Variants in LRRFIP2 observed in about 807,000 individuals in gnomAD.
The protein encoded by LRRFIP2 is leucine-rich repeat flightless-interacting protein 2.
Under a neutral mutation model 125.9 loss-of-function variants are expected in LRRFIP2, and 109 were observed. The observed-to-expected ratio is 0.87, with a 90% CI of 0.74 to 1.01. The LOEUF is 1.01. Among genes scored for constraint, LRRFIP2 ranks in the 50% least tolerant of loss-of-function variants. LRRFIP2 has a pLI of 0.00. For missense variants in LRRFIP2, 850 were observed against 862.3 expected (o/e 0.99, Z 0.18); for synonymous variants, 291 against 293.1 (o/e 0.99, Z 0.07).
chr3:37,137,746 A>C (rs2095594368), intron 2 of LRRFIP2, among the ~76,000 whole-genome samples: 1 of 152,166 alleles, frequency 6.6e-6, no homozygotes, highest in South Asian at 2.1e-4. Flanking sequence ...TACCAAAATA[A>C]ACACTTACAT....
chr3:37,111,478 G>A (rs925096177), intron 8 of LRRFIP2, among the ~76,000 whole-genome samples: 1 of 152,128 alleles, frequency 6.6e-6, no homozygotes, highest in Non-Finnish European at 1.5e-5. Context: ...AAAATAAACT[G>A]ACAAATTAAG....
chr3:37,111,140 G>A, intron 8 of LRRFIP2, 75 bp from the exon 9 acceptor site: 1 of 1,274,980 alleles, frequency 7.8e-7, no homozygotes. Context: ...AGGCAAAACT[G>A]AACACAAAAA....
chr3:37,164,750 G>A (rs1357007250), intron 1 of LRRFIP2, among the ~76,000 whole-genome samples: 1 of 151,444 alleles, frequency 6.6e-6, no homozygotes, highest in African/African-American at 2.4e-5. Context: ...CCTAAAACAT[G>A]CTATTTTGTA....
chr3:37,156,218 A>T lies in LRRFIP2; in HGVS notation c.-55-7180T>A, dbSNP rs376186549. On this transcript the variant is annotated intron_variant, in intron 1 of 27. Coordinates refer to ENST00000336686, the MANE Select transcript of LRRFIP2 (RefSeq NM_006309.4). ...TCATCAGCCAAGCATGGTGGCTCACACCTGTAATCCCAGCACTCTGCGAGG... is the reference window on the plus strand; with the variant it reads ...TCATCAGCCAAGCATGGTGGCTCACTCCTGTAATCCCAGCACTCTGCGAGG... Among the ~76,000 whole-genome samples the T allele has an allele frequency of 1.0e-3, 159 of 152,128 alleles. 1 individual carries two copies. Among genetic ancestry groups the T allele is most frequent in the East Asian group, 7.9e-3 (41 of 5,170 alleles).
intron 17 of LRRFIP2, among the ~76,000 whole-genome samples, chr3:37,092,221 C>G (rs776189965): frequency 6.6e-6 from 1 of 152,176 alleles, no homozygotes; most frequent in Non-Finnish European, 1.5e-5. Context: ...ATGGAAAATA[C>G]TGTTTCCCTG....
chr3:37,124,886 C>G (rs140421110), intron 4 of LRRFIP2, among the ~76,000 whole-genome samples: 1 of 152,146 alleles, frequency 6.6e-6, no homozygotes, highest in Non-Finnish European at 1.5e-5. Context: ...AGAAATTATA[C>G]CAGTGGACAA....
chr3:37,082,243 A>T (rs2092703987), intron 19 of LRRFIP2, among the ~76,000 whole-genome samples: 1 of 152,160 alleles, frequency 6.6e-6, no homozygotes, highest in South Asian at 2.1e-4. Context: ...TGGGATATAT[A>T]AGAAGAATCA....
At chr3:37,107,038 G>A (rs549763421) in intron 13 of LRRFIP2, among the ~76,000 whole-genome samples, 1 of 151,918 alleles carries the variant, frequency 6.6e-6, no homozygotes, top group East Asian at 1.9e-4. Context: ...CCGAGTAGCT[G>A]GGATTACAGG....
chr3:37,155,787 G>C (rs1031267903), intron 1 of LRRFIP2, among the ~76,000 whole-genome samples: 15 of 152,184 alleles, frequency 9.9e-5, no homozygotes, highest in African/African-American at 3.6e-4. Context: ...ACTTTAAACT[G>C]CAACAACAAA....
At chr3:37,095,042 G>A in intron 16 of LRRFIP2, 134 bp from the exon 17 acceptor site, 1 of 646,430 alleles carries the variant, frequency 1.5e-6, no homozygotes, top group South Asian at 1.8e-5. Context: ...GTAATCAATG[G>A]TCAATTTAGA....
chr3:37,150,682 G>C (rs987098288), intron 1 of LRRFIP2, among the ~76,000 whole-genome samples: 1 of 152,082 alleles, frequency 6.6e-6, no homozygotes, highest in African/African-American at 2.4e-5. Flanking sequence ...TTGCTAAGAA[G>C]TATAGCTCAT....
intron 1 of LRRFIP2, among the ~76,000 whole-genome samples, chr3:37,172,469 G>C (rs2096598762): frequency 1.3e-5 from 2 of 152,160 alleles, no homozygotes; most frequent in Admixed American, 6.5e-5. Context: ...TGCTTGGATT[G>C]GGGGGTTGGG....
Position 37,072,817 on chromosome 3 carries a change from T to C in LRRFIP2, c.1437A>G (p.Thr479=). The part of the protein sequence containing the change: ...MTKEVFDLQE[T]LLWKDKKIGA... ...CAATTTTTTTATCTTTCCAAAGAAG[T>C]GTCTCCTGGAGGTCAAACACCTCTT... Residue 479 remains threonine (T), a synonymous_variant, in exon 21 of 28, where the codon ACA becomes ACG. Coordinates refer to ENST00000336686, the MANE Select transcript of LRRFIP2 (RefSeq NM_006309.4). The C allele has an allele frequency of 6.2e-7, 1 of 1,613,122 alleles. No homozygotes were observed. Among genetic ancestry groups the C allele is most frequent in the East Asian group, 2.2e-5 (1 of 44,836 alleles).
intron 23 of LRRFIP2, chr3:37,064,169 T>C (rs1231387784): frequency 5.3e-6 from 1 of 189,772 alleles, no homozygotes; most frequent in African/African-American, 2.4e-5. Flanking sequence ...GATCCAAATA[T>C]GTGAAAGAAG....
chr3:37,175,355 A>G (rs374536077), upstream of LRRFIP2: 117 of 152,344 alleles, frequency 7.7e-4, 2 homozygotes, highest in African/African-American at 2.5e-3. Context: ...ACTAACAGTT[A>G]AGGTTTAGGA....
At chr3:37,056,693 TC>T (rs148351215) in intron 25 of LRRFIP2, among the ~76,000 whole-genome samples, 13,949 of 152,148 alleles carry the variant, frequency 0.092, 865 homozygotes, top group Admixed American at 0.15. Context: ...GACCTCGTGA[TC>T]CACCCACCTC....
At chr3:37,094,954 T>A in intron 16 of LRRFIP2, 46 bp from the exon 17 acceptor site, 1 of 1,262,080 alleles carries the variant, frequency 7.9e-7, no homozygotes, top group Non-Finnish European at 1.2e-6. Context: ...TCTTTAAAAA[T>A]ATGTTTGCTG....
Position 37,123,385 on chromosome 3 carries a change from C to T in LRRFIP2, c.229-1694G>A, listed in dbSNP as rs987119756. On this transcript the variant is annotated intron_variant, in intron 4 of 27. Coordinates refer to ENST00000336686, the MANE Select transcript of LRRFIP2 (RefSeq NM_006309.4). ...TTTTGTTTTAGCAGAGATGGGGTTT[C>T]GCCATGTTGGCCAGGCTGGTCTCGA... Among the ~76,000 whole-genome samples, 4 of 152,272 alleles carry T rather than the reference C, an allele frequency of 2.6e-5. No homozygotes were observed. The East Asian group carries it at 5.8e-4, about 22-fold the overall frequency.
intron 2 of LRRFIP2, among the ~76,000 whole-genome samples, chr3:37,141,394 T>C (rs2095696092): frequency 1.3e-5 from 2 of 152,224 alleles, no homozygotes; most frequent in African/African-American, 4.8e-5. Flanking sequence ...CCTCTCCAGC[T>C]ATACTGAACT....
Sources: allele counts gnomAD v4.1 joint callset (sites outside exome capture counted in the v4.1 genomes callset), GRCh38; gene constraint gnomAD v4.1.1; transcripts MANE v1.5; gene names NCBI Gene and HGNC (gene_info 2026-07-23, HGNC 2026-07-21).